Variants in PTPN12 observed in about 807,000 individuals in gnomAD.
The protein encoded by PTPN12 is protein tyrosine phosphatase non-receptor type 12, also known as tyrosine-protein phosphatase non-receptor type 12.
In PTPN12, 29 loss-of-function variants were observed where a neutral mutation model predicts 97.6. The observed-to-expected ratio is 0.30, with a 90% confidence interval of 0.22 to 0.41. The LOEUF is 0.41. Among genes scored for constraint, PTPN12 ranks in the 10% least tolerant of loss-of-function variants. The pLI is 1.00. For synonymous variants in PTPN12, 327 were observed against 300.4 expected (o/e 1.09, Z -0.91); for missense variants, 819 against 926.0 (o/e 0.88, Z 1.50).
chr7:77,563,567 C>T (rs1193986842), intron 1 of PTPN12, among the ~76,000 whole-genome samples: 1 of 152,094 alleles, frequency 6.6e-6, no homozygotes, highest in Non-Finnish European at 1.5e-5. Flanking sequence ...AGTTTCTTGG[C>T]AGACAATTAG....
chr7:77,592,441 A>G (rs923435468), intron 6 of PTPN12, 185 bp downstream of exon 6: 9 of 471,054 alleles, frequency 1.9e-5, no homozygotes, highest in Non-Finnish European at 3.3e-5. Flanking sequence ...GGTTGACTTC[A>G]TAAATGCATA....
chr7:77,625,081 G>T (rs1402649593), intron 12 of PTPN12, among the ~76,000 whole-genome samples: 1 of 152,064 alleles, frequency 6.6e-6, no homozygotes, highest in Non-Finnish European at 1.5e-5. Flanking sequence ...GTTCCAATGA[G>T]CCAAGATGGT....
chr7:77,583,975 C>T (rs551191068), intron 4 of PTPN12, among the ~76,000 whole-genome samples: 6 of 152,248 alleles, frequency 3.9e-5, no homozygotes, highest in African/African-American at 1.4e-4. Context: ...TACAGTTATA[C>T]TCATTTGAGT....
At position 77,627,400 on chromosome 7, in the gene PTPN12, C is replaced by T; in HGVS notation, c.1721C>T (p.Thr574Ile). The change falls in exon 13 of 18, where the codon ACA becomes ATA. Residue 574 changes from threonine (T) to isoleucine (I), a missense_variant. Coordinates refer to ENST00000248594, the MANE Select transcript of PTPN12 (RefSeq NM_002835.4). The stretch of plus-strand genomic sequence containing the variant: ...GTGAGTTTAACACCAAGTCCTACAA[C>T]ACAAGTTGAAACACCTGATCTTGTG... ...KTVSLTPSPT[T>I]QVETPDLVDH... is the part of the protein sequence containing the mutation. The T allele has an allele frequency of 6.2e-7, 1 of 1,614,110 alleles. No homozygotes were observed. Among genetic ancestry groups the T allele is most frequent in the East Asian group, 2.2e-5 (1 of 44,890 alleles).
At chr7:77,561,552 T>A (rs937417440) in intron 1 of PTPN12, among the ~76,000 whole-genome samples, 7 of 152,102 alleles carry the variant, frequency 4.6e-5, no homozygotes, top group Non-Finnish European at 8.8e-5. Flanking sequence ...CATATAGCGG[T>A]CAATAAGTAT....
intron 7 of PTPN12, 25 bp downstream of exon 7, chr7:77,597,926 A>G: frequency 1.2e-6 from 2 of 1,606,160 alleles, no homozygotes; most frequent in East Asian, 2.2e-5. Context: ...TTTATAGACT[A>G]TCTGTAAGAA....
Position 77,537,658 on chromosome 7 carries a change from C to T in PTPN12, c.99+13C>T, listed in dbSNP as rs1806719997. The T allele has an allele frequency of 1.3e-6, 2 of 1,580,600 alleles. No individual in the cohort carries two copies. Among genetic ancestry groups the T allele is most frequent in the Non-Finnish European group, 1.7e-6 (2 of 1,165,100 alleles). On this transcript the variant is annotated intron_variant, in intron 1 of 17. Coordinates refer to ENST00000248594, the MANE Select transcript of PTPN12 (RefSeq NM_002835.4). ...CCGGGACTTCATGGTGAGTCTCTCC[C>T]CTCGCTGTCGCGTTTTCTTGCCGGC...
chr7:77,569,525 C>G (rs998779339), intron 1 of PTPN12, among the ~76,000 whole-genome samples: 1 of 152,146 alleles, frequency 6.6e-6, no homozygotes, highest in South Asian at 2.1e-4. Context: ...AATCTCAGCA[C>G]TTTGGAAGGC....
At chr7:77,538,539 C>T (rs988840091) in intron 1 of PTPN12, among the ~76,000 whole-genome samples, 3 of 151,996 alleles carry the variant, frequency 2.0e-5, no homozygotes, top group East Asian at 3.9e-4. Flanking sequence ...CAGCGCCCCC[C>T]CGCCTCCGCC....
intron 1 of PTPN12, among the ~76,000 whole-genome samples, chr7:77,566,119 C>T (rs1021017672): frequency 1.3e-5 from 2 of 152,164 alleles, no homozygotes; most frequent in African/African-American, 4.8e-5. Context: ...CCCTACTCAC[C>T]AGTAAGAGCA....
At chr7:77,549,582 G>T (rs866902666) in intron 1 of PTPN12, among the ~76,000 whole-genome samples, 220 of 138,586 alleles carry the variant, frequency 1.6e-3, no homozygotes, top group Middle Eastern at 0.011. Flanking sequence ...TTGTTTGTTT[G>T]TTTTTTTTTT....
intron 5 of PTPN12, among the ~76,000 whole-genome samples, chr7:77,590,561 T>TC (rs1433385881): frequency 1.4e-5 from 2 of 143,978 alleles, no homozygotes; most frequent in Non-Finnish European, 3.0e-5. Context: ...TTTTAAATCT[T>TC]TTTTTTTTTT....
At chr7:77,537,709 G>C in intron 1 of PTPN12, 64 bp downstream of exon 1, 4 of 1,505,924 alleles carry the variant, frequency 2.7e-6, no homozygotes, top group Non-Finnish European at 3.6e-6. Flanking sequence ...CGCCTCTCCC[G>C]GCCGGGCCGC....
At chr7:77,613,775 A>C (rs1345605301) in intron 11 of PTPN12, among the ~76,000 whole-genome samples, 1 of 151,970 alleles carries the variant, frequency 6.6e-6, no homozygotes, top group Admixed American at 6.6e-5. Context: ...ATGAGGTTTT[A>C]CTGTGTTGCC....
At chr7:77,602,109 G>A (rs1471364391) in intron 8 of PTPN12, among the ~76,000 whole-genome samples, 10 of 151,536 alleles carry the variant, frequency 6.6e-5, no homozygotes, top group Admixed American at 6.6e-4. Context: ...AAGAAATCAT[G>A]TAAACTCTTC....
Position 77,625,472 on chromosome 7 carries a change from G to GCTCGCGCGCTCTCTCTCT in PTPN12, c.1026-1230_1026-1229insGCGCGCTCTCTCTCTCTC. On this transcript the variant is annotated intron_variant, in intron 12 of 17. Transcript: ENST00000248594. Reference sequence around the variant, plus strand: ...TTTTGCCATATTGCCCAGGCTGCTCGCTCTCTCTCTCTCTCTCTCTCTCTC... The same window carrying GCTCGCGCGCTCTCTCTCT: ...TTTTGCCATATTGCCCAGGCTGCTCGCTCGCGCGCTCTCTCTCTCTCTCTCTCTCTCTCTCTCTCTCTC... 4.6e-3 allele frequency among the ~76,000 whole-genome samples: 154 copies of GCTCGCGCGCTCTCTCTCT among 33,522 alleles called. 21 individuals are homozygous for GCTCGCGCGCTCTCTCTCT. The highest frequency in any genetic ancestry group is 0.021 in the Middle Eastern group (1 of 48). The allele number at this position is 33,522 out of a possible 152,430, so 22.0% of individuals were successfully genotyped here. A position where few individuals can be genotyped will look rare whatever the true frequency, so the allele number is the denominator to read the frequency against.
intron 2 of PTPN12, among the ~76,000 whole-genome samples, chr7:77,576,718 A>G (rs1787355072): frequency 1.3e-5 from 2 of 152,078 alleles, no homozygotes; most frequent in Admixed American, 1.3e-4. Context: ...AGCACCAATG[A>G]AGAATATTAA....
At chr7:77,619,502 T>G (rs1459570817) in intron 12 of PTPN12, among the ~76,000 whole-genome samples, 1 of 152,184 alleles carries the variant, frequency 6.6e-6, no homozygotes, top group Non-Finnish European at 1.5e-5. Context: ...TTATTCTCAT[T>G]TTGACCATGC....
chr7:77,625,536 A>ACTCTCCCTCTCC (rs1789137499), intron 12 of PTPN12, among the ~76,000 whole-genome samples: 1 of 17,570 alleles, frequency 5.7e-5, no homozygotes, highest in African/African-American at 2.3e-4. Context: ...TCTCACTCTC[A>ACTCTCCCTCTCC]CTCGCGCTCT....
Sources: gnomAD v4.1 joint callset for allele counts (sites outside exome capture counted in the v4.1 genomes callset) on GRCh38, gnomAD v4.1.1 for gene constraint, MANE v1.5 for transcripts, NCBI Gene and HGNC (gene_info 2026-07-23, HGNC 2026-07-21) for gene names.